CERS6: variants seen among roughly 807,000 people sequenced by gnomAD.
CERS6 encodes the protein LAG1 homolog, ceramide synthase 6.
A neutral mutation model predicts 56.8 loss-of-function variants in CERS6; 26 were observed. The ratio of observed to expected loss-of-function variants is 0.46; its 90% CI spans 0.34 to 0.63. The LOEUF is 0.63. Ranked by LOEUF, CERS6 falls within the 30% of genes least tolerant of loss-of-function variation. CERS6 has a pLI of 0.01. For synonymous variants in CERS6, 164 were observed against 173.3 expected (o/e 0.95, Z 0.42); for missense variants, 415 against 467.5 (o/e 0.89, Z 1.04).
At chr2:168,667,302 A>G (rs1226558948) in intron 4 of CERS6, among the ~76,000 whole-genome samples, 4 of 152,222 alleles carry the variant, frequency 2.6e-5, no homozygotes, top group Non-Finnish European at 5.9e-5. Context: ...GTAGCACAGC[A>G]TCTCAGTTCT....
intron 3 of CERS6, among the ~76,000 whole-genome samples, chr2:168,612,306 G>A (rs2105274749): frequency 6.6e-6 from 1 of 152,306 alleles, no homozygotes; most frequent in South Asian, 2.1e-4. Flanking sequence ...CTTTCACTCA[G>A]AGTTGAAAAT....
intron 4 of CERS6, among the ~76,000 whole-genome samples, chr2:168,666,536 T>G (rs4668097): frequency 0.77 from 117,261 of 152,106 alleles, 45,883 homozygotes; most frequent in African/African-American, 0.88. Context: ...CCATTGTGTG[T>G]ATATACCACA....
chr2:168,618,866 A>C (rs1684390605), intron 3 of CERS6, among the ~76,000 whole-genome samples: 1 of 152,318 alleles, frequency 6.6e-6, no homozygotes, highest in South Asian at 2.1e-4. Context: ...TCTTAACAGA[A>C]CTAGAAAAGC....
At chr2:168,547,240 G>T (rs1206709467) in intron 1 of CERS6, among the ~76,000 whole-genome samples, 6 of 152,134 alleles carry the variant, frequency 3.9e-5, no homozygotes, top group African/African-American at 1.4e-4. Context: ...TATGACTATT[G>T]CTCTGTGTAA....
intron 1 of CERS6, among the ~76,000 whole-genome samples, chr2:168,492,670 T>C (rs1437351548): frequency 2.0e-5 from 3 of 152,226 alleles, no homozygotes; most frequent in Admixed American, 2.0e-4. Context: ...TTTGGTGTTT[T>C]AGTCATGAAG....
intron 1 of CERS6, among the ~76,000 whole-genome samples, chr2:168,482,509 C>G (rs1400415915): frequency 6.6e-6 from 1 of 152,230 alleles, no homozygotes; most frequent in Non-Finnish European, 1.5e-5. Context: ...CACAATGAGG[C>G]ATATTATGAG....
At chr2:168,489,264 C>T (rs1694326590) in intron 1 of CERS6, among the ~76,000 whole-genome samples, 1 of 152,068 alleles carries the variant, frequency 6.6e-6, no homozygotes, top group Non-Finnish European at 1.5e-5. Context: ...GTGAAGTTTT[C>T]AGTAATTCAA....
intron 1 of CERS6, among the ~76,000 whole-genome samples, chr2:168,472,164 T>G (rs1471425433): frequency 6.6e-6 from 1 of 152,222 alleles, no homozygotes; most frequent in African/African-American, 2.4e-5. Context: ...CATATGGCAT[T>G]GTTAGAAAAA....
intron 1 of CERS6, among the ~76,000 whole-genome samples, chr2:168,474,441 G>T (rs904180701): frequency 6.6e-6 from 1 of 152,158 alleles, no homozygotes; most frequent in East Asian, 1.9e-4. Context: ...TATACCAATT[G>T]ACATCCCTAC....
rs1193983720 is a variant in CERS6 at position 168,645,116 on chromosome 2, A to ATAT, written c.465+14074_465+14075insTAT. ...AAAAAAAAAAAAAAAAAAAAAAAAA[A>ATAT]ATATATATATATATATATATATATA... On this transcript the variant is annotated intron_variant, in intron 4 of 9. Coordinates refer to ENST00000305747, the MANE Select transcript of CERS6 (RefSeq NM_203463.3). 5.2e-3 allele frequency among the ~76,000 whole-genome samples: 98 copies of ATAT among 19,008 alleles called. 17 individuals are homozygous for ATAT. Among genetic ancestry groups the ATAT allele is most frequent in the East Asian group, 0.012 (4 of 338 alleles). 12.5% of individuals were successfully genotyped at this position (19,008 alleles called of 152,430 possible). A position where few individuals can be genotyped will look rare whatever the true frequency, so the allele number is the denominator to read the frequency against.
At chr2:168,488,773 C>T (rs1395248917) in intron 1 of CERS6, among the ~76,000 whole-genome samples, 1 of 152,040 alleles carries the variant, frequency 6.6e-6, no homozygotes, top group Non-Finnish European at 1.5e-5. Flanking sequence ...AACTTTCACA[C>T]TCTACTCAAG....
At chr2:168,554,043 G>C (rs141795450) in intron 2 of CERS6, among the ~76,000 whole-genome samples, 7 of 152,116 alleles carry the variant, frequency 4.6e-5, no homozygotes, top group Admixed American at 2.6e-4. Context: ...AGGAAATAAG[G>C]CTACTTTAAT....
intron 9 of CERS6, among the ~76,000 whole-genome samples, chr2:168,766,123 C>G (rs1183345674): frequency 1.3e-5 from 2 of 152,142 alleles, no homozygotes; most frequent in Admixed American, 6.5e-5. Context: ...ACCTTTCTTT[C>G]AAACTGAAAA....
At chr2:168,617,811 C>T (rs760989888) in intron 3 of CERS6, among the ~76,000 whole-genome samples, 4 of 152,124 alleles carry the variant, frequency 2.6e-5, no homozygotes, top group South Asian at 2.1e-4. Context: ...ATTCAAAGTA[C>T]GATTGGTACC....
At chr2:168,605,696 T>A (rs982176138) in intron 3 of CERS6, among the ~76,000 whole-genome samples, 1 of 152,152 alleles carries the variant, frequency 6.6e-6, no homozygotes, top group East Asian at 1.9e-4. Flanking sequence ...TCCCAGCTGC[T>A]CCAGCCATGG....
intron 8 of CERS6, among the ~76,000 whole-genome samples, chr2:168,758,174 G>A (rs189795953): frequency 3.6e-4 from 55 of 152,320 alleles, no homozygotes; most frequent in Non-Finnish European, 6.8e-4. Flanking sequence ...TATGTTTTGT[G>A]TAGGTCAAAT....
At chr2:168,460,356 A>G (rs1406452318) in intron 1 of CERS6, among the ~76,000 whole-genome samples, 1 of 151,862 alleles carries the variant, frequency 6.6e-6, no homozygotes, top group Admixed American at 6.6e-5. Flanking sequence ...TACCAGGCCT[A>G]GCTAATTTTT....
intron 4 of CERS6, among the ~76,000 whole-genome samples, chr2:168,646,033 C>T (rs7582868): frequency 0.33 from 49,490 of 152,044 alleles, 9,913 homozygotes; most frequent in African/African-American, 0.55. Flanking sequence ...TGGAATGATT[C>T]ATATTCCTCT....
intron 1 of CERS6, among the ~76,000 whole-genome samples, chr2:168,544,093 C>T (rs563155176): frequency 6.6e-5 from 10 of 152,320 alleles, no homozygotes; most frequent in South Asian, 2.1e-4. Flanking sequence ...GCTATGACAT[C>T]GTTCAAAGAA....
Sources: allele counts gnomAD v4.1 joint callset (sites outside exome capture counted in the v4.1 genomes callset), GRCh38; gene constraint gnomAD v4.1.1; transcripts MANE v1.5; gene names NCBI Gene and HGNC (gene_info 2026-07-23, HGNC 2026-07-21).